ADCY2: variants seen among roughly 807,000 people sequenced by gnomAD.
ADCY2 encodes adenylate cyclase type 2.
In ADCY2, 31 loss-of-function variants were observed where a neutral mutation model predicts 125.2. The observed-to-expected ratio is 0.25, with a 90% CI of 0.19 to 0.33. The LOEUF is 0.33. ADCY2 is among the 10% of genes least tolerant of loss of function. The probability of loss-of-function intolerance (pLI) is 1.00; values close to 1 mark genes in which losing one functional copy is unlikely to be tolerated. For synonymous variants in ADCY2, 512 were observed against 548.4 expected, an observed-to-expected ratio of 0.93 and a Z score of 0.93; for missense variants, 904 against 1,418.2, an observed-to-expected ratio of 0.64 and a Z score of 5.82.
intron 18 of ADCY2, among the ~76,000 whole-genome samples, chr5:7,776,921 G>A (rs960816444): frequency 1.3e-5 from 2 of 152,096 alleles, no homozygotes; most frequent in African/African-American, 4.8e-5. Flanking sequence ...TGCACTGTTG[G>A]TTTCCCTGGT....
chr5:7,613,802 G>A (rs1344088072), intron 3 of ADCY2, among the ~76,000 whole-genome samples: 1 of 152,164 alleles, frequency 6.6e-6, no homozygotes, highest in Non-Finnish European at 1.5e-5. Flanking sequence ...ATAAACTCAG[G>A]TATAATCCAA....
At chr5:7,419,648 T>C (rs1309213346) in intron 2 of ADCY2, among the ~76,000 whole-genome samples, 1 of 152,108 alleles carries the variant, frequency 6.6e-6, no homozygotes, top group Non-Finnish European at 1.5e-5. Context: ...ACATTCAGAC[T>C]GTCCTGGGGT....
chr5:7,626,058 C>T (rs1738110470), intron 3 of ADCY2, 109 bp from the exon 4 acceptor site: 1 of 1,226,320 alleles, frequency 8.2e-7, no homozygotes, highest in East Asian at 2.5e-5. Flanking sequence ...GTAAAATTAA[C>T]TTCCTGCAGT....
At chr5:7,784,612 T>C (rs1415624175) in intron 19 of ADCY2, among the ~76,000 whole-genome samples, 163 bp downstream of exon 19, 1 of 152,192 alleles carries the variant, frequency 6.6e-6, no homozygotes, top group African/African-American at 2.4e-5. Flanking sequence ...TGTGGATGCT[T>C]CGATATAGAC....
intron 2 of ADCY2, among the ~76,000 whole-genome samples, chr5:7,441,100 G>A (rs1413539952): frequency 6.6e-6 from 1 of 152,150 alleles, no homozygotes; most frequent in East Asian, 1.9e-4. Context: ...TACGTTCTTA[G>A]GAAGAAAGGA....
intron 3 of ADCY2, among the ~76,000 whole-genome samples, chr5:7,620,369 A>G (rs1035801023): frequency 1.3e-5 from 2 of 152,074 alleles, no homozygotes; most frequent in African/African-American, 4.8e-5. Context: ...CATTGTTGAG[A>G]TTGTTGGTGT....
At chr5:7,736,346 G>A (rs1742252811) in intron 14 of ADCY2, among the ~76,000 whole-genome samples, 1 of 152,064 alleles carries the variant, frequency 6.6e-6, no homozygotes, top group African/African-American at 2.4e-5. Context: ...TTATAGGTAA[G>A]CCTATTTATA....
intron 16 of ADCY2, among the ~76,000 whole-genome samples, chr5:7,762,760 T>C (rs1010696324): frequency 6.6e-6 from 1 of 152,068 alleles, no homozygotes; most frequent in Non-Finnish European, 1.5e-5. Flanking sequence ...TCCAGACTGA[T>C]GGAGCCCCAT....
intron 14 of ADCY2, among the ~76,000 whole-genome samples, chr5:7,740,233 T>C (rs1389597266): frequency 6.6e-6 from 1 of 151,958 alleles, no homozygotes; most frequent in Admixed American, 6.5e-5. Context: ...CAATAAAGAA[T>C]TCAAATGAAA....
intron 3 of ADCY2, among the ~76,000 whole-genome samples, chr5:7,594,300 A>G (rs1290418675): frequency 1.3e-5 from 2 of 152,200 alleles, no homozygotes; most frequent in African/African-American, 4.8e-5. Flanking sequence ...AGCCACACAC[A>G]TTGAAATATC....
At chr5:7,525,504 G>A (rs979354732) in intron 3 of ADCY2, among the ~76,000 whole-genome samples, 4 of 151,872 alleles carry the variant, frequency 2.6e-5, no homozygotes, top group Non-Finnish European at 5.9e-5. Flanking sequence ...TGATTTTAGG[G>A]TCCTGATTCT....
At chr5:7,743,972 G>C (rs116096704) in intron 15 of ADCY2, among the ~76,000 whole-genome samples, 1 of 152,084 alleles carries the variant, frequency 6.6e-6, no homozygotes, top group African/African-American at 2.4e-5. Context: ...GATTCAAAAC[G>C]TTCGATGTCA....
chr5:7,768,703 TG>T (rs1435814541), intron 17 of ADCY2, among the ~76,000 whole-genome samples: 1 of 152,120 alleles, frequency 6.6e-6, no homozygotes, highest in Non-Finnish European at 1.5e-5. Context: ...AAACTTAAAG[TG>T]GGGAAAGGCA....
At chr5:7,819,476 C>T (rs540964614) in intron 23 of ADCY2, among the ~76,000 whole-genome samples, 2 of 152,290 alleles carry the variant, frequency 1.3e-5, no homozygotes, top group South Asian at 4.1e-4. Flanking sequence ...TTCAGATTCA[C>T]GCGAACTGTT....
intron 3 of ADCY2, among the ~76,000 whole-genome samples, chr5:7,587,865 G>T (rs1256494864): frequency 6.6e-6 from 1 of 152,208 alleles, no homozygotes; most frequent in Non-Finnish European, 1.5e-5. Flanking sequence ...GCTGCCAGAA[G>T]TCTGGGACTG....
intron 3 of ADCY2, among the ~76,000 whole-genome samples, chr5:7,568,990 C>T (rs559994183): frequency 1.2e-4 from 18 of 152,238 alleles, no homozygotes; most frequent in Admixed American, 8.5e-4. Context: ...AATAGACTAA[C>T]AACTATGGTA....
In ADCY2 at chr5:7,761,148, CT is replaced by C. The variant is rs367998018; in HGVS notation, c.2094+3581del. On this transcript the variant is annotated intron_variant, in intron 16 of 24. Coordinates refer to ENST00000338316, the MANE Select transcript of ADCY2 (RefSeq NM_020546.3). ...ATCAAAATTTCTTTTCTTTTCTTTT[CT>C]TTTTTTTTTTTTTTTTTTGAGATGG... Among the ~76,000 whole-genome samples, 444 of 88,150 alleles carry C rather than the reference CT, an allele frequency of 5.0e-3. 3 individuals are homozygous for C. Among genetic ancestry groups the C allele is most frequent in the African/African-American group, 0.019 (421 of 21,594 alleles). The allele number at this position is 88,150 out of a possible 152,430, so 57.8% of individuals were successfully genotyped here.
At chr5:7,573,601 T>TC (rs1239697911) in intron 3 of ADCY2, among the ~76,000 whole-genome samples, 2 of 144,718 alleles carry the variant, frequency 1.4e-5, no homozygotes, top group Non-Finnish European at 3.0e-5. Flanking sequence ...TTCTTTTTTT[T>TC]TTTTTTTTTT....
intron 4 of ADCY2, among the ~76,000 whole-genome samples, chr5:7,655,735 C>T (rs960182978): frequency 1.4e-4 from 22 of 152,314 alleles, no homozygotes; most frequent in African/African-American, 5.1e-4. Flanking sequence ...TTAACCATCA[C>T]GTGGCCCAAT....
Sources: gnomAD v4.1 joint callset for allele counts (sites outside exome capture counted in the v4.1 genomes callset) on GRCh38, gnomAD v4.1.1 for gene constraint, MANE v1.5 for transcripts, NCBI Gene and HGNC (gene_info 2026-07-23, HGNC 2026-07-21) for gene names.